GRIN1: variants seen among roughly 807,000 people sequenced by gnomAD.
GRIN1 encodes glutamate ionotropic receptor NMDA type subunit 1, also known as glutamate receptor ionotropic, NMDA 1.
Under a neutral mutation model 103.0 loss-of-function variants are expected in GRIN1, and 38 were observed. That is an observed-to-expected ratio of 0.37 (90% CI 0.28 to 0.48). The LOEUF (loss-of-function observed/expected upper bound fraction) is 0.48. GRIN1 is among the 20% of genes least tolerant of loss of function. The pLI, the probability that GRIN1 is intolerant of heterozygous loss-of-function variation, is 0.98. For synonymous variants in GRIN1, 544 were observed against 532.7 expected, an observed-to-expected ratio of 1.02 and a Z score of -0.29; for missense variants, 577 against 1,288.9, an observed-to-expected ratio of 0.45 and a Z score of 8.46.
Position 137,167,155 on chromosome 9 carries a change from T to TG in GRIN1, c.2701-250dup, listed in dbSNP as rs530628310. On this transcript the variant is annotated intron_variant, in intron 19 of 19. Coordinates refer to ENST00000371561, the MANE Select transcript of GRIN1 (RefSeq NM_007327.4). ...GGCCCCGCCCTGCAAGGCTGAACTGTGGGGGGCACTGCCAGCTGGGGGTCT... is the reference window on the plus strand; with the variant it reads ...GGCCCCGCCCTGCAAGGCTGAACTGTGGGGGGGCACTGCCAGCTGGGGGTCT... Among the ~76,000 whole-genome samples the TG allele has an allele frequency of 8.7e-5, 13 of 150,056 alleles. No homozygotes were observed. The South Asian group carries it at 2.4e-3, about 27-fold the overall frequency.
At chr9:137,164,919 A>G (rs988668236) in intron 18 of GRIN1, 4 of 478,716 alleles carry the variant, frequency 8.4e-6, no homozygotes, top group African/African-American at 3.9e-5. Flanking sequence ...CCCAGGAGCC[A>G]GGGAGCCAGG....
intron 4 of GRIN1, among the ~76,000 whole-genome samples, chr9:137,155,824 C>T (rs1412420176): frequency 1.3e-5 from 2 of 152,262 alleles, no homozygotes; most frequent in African/African-American, 4.8e-5. Context: ...CAAGACCACA[C>T]ATGCCTGCAA....
chr9:137,158,856 C>G, intron 8 of GRIN1, 152 bp downstream of exon 8: 1 of 673,104 alleles, frequency 1.5e-6, no homozygotes, highest in Non-Finnish European at 2.7e-6. Flanking sequence ...TCCAGCACAC[C>G]TGGCACAGCA....
chr9:137,167,695 G>A lies in GRIN1; in HGVS notation c.*168G>A. 6 of 1,592,850 alleles carry A rather than the reference G, an allele frequency of 3.8e-6. No homozygotes were observed. The highest frequency in any genetic ancestry group is 1.4e-5 in the African/African-American group (1 of 74,058). ...CCGCCCGCCGGTTGGCCGGCTGGCCGGTCCACCCCGTCCCGGCCCCGCGCG... is the reference window on the plus strand; with the variant it reads ...CCGCCCGCCGGTTGGCCGGCTGGCCAGTCCACCCCGTCCCGGCCCCGCGCG... On this transcript the variant is annotated 3_prime_UTR_variant, in exon 20 of 20. Transcript: ENST00000371561.
At chr9:137,160,542 G>C (rs548420477) in intron 8 of GRIN1, among the ~76,000 whole-genome samples, 1 of 152,258 alleles carries the variant, frequency 6.6e-6, no homozygotes, top group South Asian at 2.1e-4. Flanking sequence ...CCATTCTCCT[G>C]CCTCAGCCTC....
intron 12 of GRIN1, 56 bp downstream of exon 12, chr9:137,162,346 G>C: frequency 6.5e-7 from 1 of 1,533,776 alleles, no homozygotes; most frequent in Non-Finnish European, 8.8e-7. Flanking sequence ...AGCCGGCCAG[G>C]GGCGGGGCAG....
rs1346540046 is a variant in GRIN1, at chr9:137,157,021, G to C, written c.952G>C (p.Gly318Arg). ...CVGNTNIWKT[G>R]PLFKRVLMSS... ...GGGCAACACCAACATCTGGAAGACC[G>C]GGCCGCTCTTCAAGAGGTGGGCGGG... The change falls in exon 6 of 20, where the codon GGG becomes CGG. Residue 318 changes from glycine (G) to arginine (R), a missense_variant. By Grantham distance (125) the Gly-to-Arg change is moderately radical (BLOSUM62 -2). Coordinates refer to ENST00000371561, the MANE Select transcript of GRIN1 (RefSeq NM_007327.4). The C allele has an allele frequency of 1.9e-6, 3 of 1,611,716 alleles. No homozygotes were observed. Among genetic ancestry groups the C allele is most frequent in the Non-Finnish European group, 2.5e-6 (3 of 1,179,732 alleles).
intron 3 of GRIN1, chr9:137,148,071 A>G: frequency 3.3e-6 from 3 of 915,438 alleles, no homozygotes; most frequent in Non-Finnish European, 5.1e-6. Flanking sequence ...AGGTGGTGTG[A>G]TTGCTTTAGC....
At chr9:137,142,409 C>T (rs538595800) in intron 2 of GRIN1, among the ~76,000 whole-genome samples, 2 of 152,384 alleles carry the variant, frequency 1.3e-5, no homozygotes, top group East Asian at 1.9e-4. Context: ...GAGCCCAGCA[C>T]GTGCCCCCAG....
In GRIN1 at chr9:137,168,651, C is replaced by T; in HGVS notation, c.*1124C>T. 1 of 379,348 alleles carries T rather than the reference C, an allele frequency of 2.6e-6. No homozygotes were observed. The highest frequency in any genetic ancestry group is 4.5e-6 in the Non-Finnish European group (1 of 223,312). The allele number at this position is 379,348 out of a possible 1,614,324, so 23.5% of individuals were successfully genotyped here. A position where few individuals can be genotyped will look rare whatever the true frequency, so the allele number is the denominator to read the frequency against. On this transcript the variant is annotated 3_prime_UTR_variant, in exon 20 of 20. Transcript: ENST00000371561. ...GAGCGCGTGCCTTCCCCGTGCGGCC[C>T]GTGCGCAGCCGCGCTCTGCCCCTCC... is the stretch of plus-strand genomic sequence containing the variant.
intron 19 of GRIN1, among the ~76,000 whole-genome samples, chr9:137,166,395 C>T (rs1833879463): frequency 6.6e-6 from 1 of 152,238 alleles, no homozygotes; most frequent in African/African-American, 2.4e-5. Flanking sequence ...GAGACCTCAG[C>T]CCCGTGGCCA....
intron 2 of GRIN1, among the ~76,000 whole-genome samples, chr9:137,143,512 C>T (rs896326531): frequency 5.9e-5 from 9 of 152,218 alleles, no homozygotes; most frequent in Non-Finnish European, 7.4e-5. Context: ...GGAAAGCAGC[C>T]AGTGGTCAAA....
chr9:137,164,518 C>G (rs1833756946), intron 18 of GRIN1: 1 of 173,598 alleles, frequency 5.8e-6, no homozygotes, highest in African/African-American at 2.4e-5. Flanking sequence ...TCTTCTCTTT[C>G]TCTGGGTGCC....
chr9:137,154,101 C>T (rs1263138033), intron 4 of GRIN1, among the ~76,000 whole-genome samples: 2 of 149,776 alleles, frequency 1.3e-5, no homozygotes, highest in African/African-American at 2.5e-5. Context: ...CATGAGCCAC[C>T]GTGCCTGCCT....
At chr9:137,165,556 C>T (rs1833826959) in intron 19 of GRIN1, 6 of 531,510 alleles carry the variant, frequency 1.1e-5, no homozygotes, top group Non-Finnish European at 2.1e-5. Context: ...CCATGACCCA[C>T]ACGCCATCTT....
chr9:137,143,253 G>A (rs1832272551), intron 2 of GRIN1, among the ~76,000 whole-genome samples: 1 of 152,248 alleles, frequency 6.6e-6, no homozygotes, highest in Non-Finnish European at 1.5e-5. Context: ...CCCCAGCCAG[G>A]CCCAGGCTCT....
At chr9:137,153,867 G>T (rs1833055615) in intron 4 of GRIN1, among the ~76,000 whole-genome samples, 1 of 152,206 alleles carries the variant, frequency 6.6e-6, no homozygotes, top group Admixed American at 6.5e-5. Flanking sequence ...CTGGAGTGCA[G>T]TGGCGTGATC....
rs1231157661 is a variant in GRIN1, at chr9:137,161,938, CAAG to C, written c.1486_1488del (p.Lys496del). The C allele has an allele frequency of 6.4e-7, 1 of 1,563,376 alleles. No homozygotes were observed. The highest frequency in any genetic ancestry group is 8.7e-7 in the Non-Finnish European group (1 of 1,154,280). ...TCGCCTCGCAGGTGAACAACAGCAA[CAAG>C]AAGGAGTGGAATGGGATGATGGGCG... On this transcript the variant is annotated inframe_deletion, in exon 11 of 20. Transcript: ENST00000371561.
In GRIN1 at chr9:137,142,044, C is replaced by A. The variant is rs1004469669; in HGVS notation, c.290C>A (p.Thr97Asn). 4 of 1,614,096 alleles carry A rather than the reference C, an allele frequency of 2.5e-6. No homozygotes were observed. Among genetic ancestry groups the A allele is most frequent in the Non-Finnish European group, 3.4e-6 (4 of 1,179,918 alleles). The part of the protein sequence containing the change: ...VYAILVSHPP[T>N]PNDHFTPTPV... ...GCCATCCTAGTTAGCCATCCACCTA[C>A]CCCCAACGACCACTTCACTCCCACC... The change falls in exon 2 of 20, where the codon ACC becomes AAC. Residue 97 changes from threonine (T) to asparagine (N), a missense_variant. By Grantham distance (65) the Thr-to-Asn change is moderately conservative (BLOSUM62 0). Around this residue, in one of 9 missense-constraint regions of GRIN1, gnomAD observed 308 missense variants for 553.6 expected, o/e 0.56. Transcript: ENST00000371561.
Sources: allele counts gnomAD v4.1 joint callset (sites outside exome capture counted in the v4.1 genomes callset), GRCh38; gene constraint gnomAD v4.1.1; regional missense constraint gnomAD v4.1.1; transcripts MANE v1.5; gene names NCBI Gene and HGNC (gene_info 2026-07-23, HGNC 2026-07-21).